Variants in S100A16 observed in about 807,000 individuals in gnomAD.
S100A16 encodes S100 calcium binding protein A16.
In S100A16, 8 loss-of-function variants were observed where a neutral mutation model predicts 9.0. The observed-to-expected ratio is 0.89, with a 90% CI of 0.52 to 1.60. S100A16 has a LOEUF of 1.60. S100A16 is among the 40% of genes most tolerant of loss of function. S100A16 has a pLI of 0.00. For missense variants in S100A16, 138 were observed against 132.4 expected, an observed-to-expected ratio of 1.04 and a Z score of -0.21; for synonymous variants, 51 against 51.4, an observed-to-expected ratio of 0.99 and a Z score of 0.04.
chr1:153,608,264 C>T, intron 1 of S100A16, 87 bp from the exon 2 acceptor site: 1 of 1,111,968 alleles, frequency 9.0e-7, no homozygotes, highest in Non-Finnish European at 1.3e-6. Flanking sequence ...CCCTGGGTCC[C>T]TCCTCCTGCC....
intron 1 of S100A16, among the ~76,000 whole-genome samples, chr1:153,610,894 G>A (rs1666819802): frequency 6.6e-6 from 1 of 151,730 alleles, no homozygotes; most frequent in Admixed American, 6.6e-5. Context: ...GGGTCGGGCA[G>A]ATGTTCTATC....
In S100A16 at chr1:153,607,667, T is replaced by C. The variant is rs1414411570; in HGVS notation, c.179A>G (p.Asp60Gly). The change falls in exon 3 of 3, where the codon GAT becomes GGT. Residue 60 changes from aspartate (D) to glycine (G), a missense_variant. Transcript: ENST00000368706. The stretch of plus-strand genomic sequence containing the variant: ...GGCATCCAGGTTCTGGATGAGCTTA[T>C]CCGCAGCCTTCCGGTTCCCTGTGTC... The part of the protein sequence containing the change: ...LSDTGNRKAA[D>G]KLIQNLDANH... 10 of 1,614,050 alleles carry C rather than the reference T, an allele frequency of 6.2e-6. No individual in the cohort carries two copies. Among genetic ancestry groups the C allele is most frequent in the African/African-American group, 1.3e-5 (1 of 74,928 alleles).
chr1:153,607,956 G>A, intron 2 of S100A16, 43 bp downstream of exon 2: 2 of 1,595,658 alleles, frequency 1.3e-6, no homozygotes, highest in Non-Finnish European at 1.7e-6. Context: ...TGCAGGGGAG[G>A]GAAGGGGAGA....
intron 1 of S100A16, among the ~76,000 whole-genome samples, chr1:153,611,043 A>G (rs949149247): frequency 3.3e-5 from 5 of 151,894 alleles, no homozygotes; most frequent in Admixed American, 6.6e-5. Context: ...GTGTCCTCCA[A>G]TGGGCCCTCT....
intron 1 of S100A16, among the ~76,000 whole-genome samples, chr1:153,611,050 C>G (rs940590873): frequency 6.6e-6 from 1 of 152,004 alleles, no homozygotes; most frequent in Non-Finnish European, 1.5e-5. Context: ...CCAATGGGCC[C>G]TCTCACCTCA....
At chr1:153,607,766 G>C in intron 2 of S100A16, 74 bp from the exon 3 acceptor site, 1 of 1,570,346 alleles carries the variant, frequency 6.4e-7, no homozygotes. Flanking sequence ...CCTAGGCAGA[G>C]ACCCAGGATC....
rs55729519 is a variant in S100A16, at chr1:153,611,917, TCACACACACACA to T, written c.-27+1023_-27+1034del. On this transcript the variant is annotated intron_variant, in intron 1 of 2. Coordinates refer to ENST00000368706, the MANE Select transcript of S100A16 (RefSeq NM_080388.3). Reference sequence around the variant, plus strand: ...GCGTCTAACTCTCTTTGTCTCTCTCTCACACACACACACACACACACACACACACACACACCG... The same window carrying T: ...GCGTCTAACTCTCTTTGTCTCTCTCTCACACACACACACACACACACACCG... Among the ~76,000 whole-genome samples, 59 of 140,904 alleles carry T rather than the reference TCACACACACACA, an allele frequency of 4.2e-4. No individual in the cohort carries two copies. The South Asian group carries it at 0.011, about 27-fold the overall frequency. The allele number at this position is 140,904 out of a possible 152,430, so 92.4% of individuals were successfully genotyped here.
intron 2 of S100A16, 67 bp downstream of exon 2, chr1:153,607,932 A>G (rs530168834): frequency 1.3e-6 from 2 of 1,516,374 alleles, no homozygotes; most frequent in Admixed American, 1.7e-5. Context: ...AGACACCCTC[A>G]GAGGCCAGAG....
chr1:153,609,382 A>G, intron 1 of S100A16: 1 of 985,914 alleles, frequency 1.0e-6, no homozygotes, highest in Non-Finnish European at 1.2e-6. Flanking sequence ...CCAGCCTGCC[A>G]ATCACTCTCG....
chr1:153,609,058 G>T (rs1410788500), intron 1 of S100A16: 9 of 985,606 alleles, frequency 9.1e-6, no homozygotes, highest in African/African-American at 1.7e-5. Flanking sequence ...AGGGGAGCAG[G>T]CGGATCTGGA....
chr1:153,607,886 CG>C, intron 2 of S100A16, 112 bp downstream of exon 2: 1 of 1,243,432 alleles, frequency 8.0e-7, no homozygotes. Flanking sequence ...CTGGAGTTAG[CG>C]GGGACACTGG....
At position 153,607,274 on chromosome 1, in the gene S100A16, A is replaced by G. The variant is rs1666710475; in HGVS notation, c.*260T>C. 1.8e-6 allele frequency: 1 copy of G among 563,244 alleles called. No homozygotes were observed. Among genetic ancestry groups the G allele is most frequent in the Non-Finnish European group, 3.2e-6 (1 of 314,214 alleles). The allele number at this position is 563,244 out of a possible 1,614,324, so 34.9% of individuals were successfully genotyped here. A position where few individuals can be genotyped will look rare whatever the true frequency, so the allele number is the denominator to read the frequency against. On this transcript the variant is annotated 3_prime_UTR_variant, in exon 3 of 3. Coordinates refer to ENST00000368706, the MANE Select transcript of S100A16 (RefSeq NM_080388.3). ...AGACTGAACAGGTGAGAAAACTCTT[A>G]GGGTCCCCAGACAGCATTGAGATCT...
chr1:153,609,591 A>G (rs9660389), intron 1 of S100A16, among the ~76,000 whole-genome samples: 27,429 of 152,156 alleles, frequency 0.18, 5,682 homozygotes, highest in African/African-American at 0.51. Flanking sequence ...CACATGGCCA[A>G]TGTATTTTCT....
chr1:153,609,012 TC>T, intron 1 of S100A16: 1 of 985,664 alleles, frequency 1.0e-6, no homozygotes, highest in South Asian at 4.7e-5. Context: ...AAAGACACTT[TC>T]TAAGCGGATA....
In S100A16 at chr1:153,607,096, TGC is replaced by T; in HGVS notation, c.*436_*437del. The T allele has an allele frequency of 6.9e-6, 2 of 288,312 alleles. No homozygotes were observed. The highest frequency in any genetic ancestry group is 1.4e-5 in the Non-Finnish European group (2 of 139,832). The allele number at this position is 288,312 out of a possible 1,614,324, so 17.9% of individuals were successfully genotyped here. On this transcript the variant is annotated 3_prime_UTR_variant, in exon 3 of 3. Transcript: ENST00000368706. ...GGCTAAGGGAAAGTGGAGAGGTCTC[TGC>T]TGCTGCTGCTGCTGCTGCTGCTGCT... is the stretch of plus-strand genomic sequence containing the variant.
At chr1:153,612,771 C>T (rs947886480) in intron 1 of S100A16, among the ~76,000 whole-genome samples, 181 bp downstream of exon 1, 1 of 152,134 alleles carries the variant, frequency 6.6e-6, no homozygotes, top group African/African-American at 2.4e-5. Flanking sequence ...CCCAACCCCC[C>T]AGGACTCCCC....
At position 153,608,132 on chromosome 1, in the gene S100A16, T is replaced by A. The variant is rs1666740554; in HGVS notation, c.20A>T (p.Glu7Val). 3 of 1,613,888 alleles carry A rather than the reference T, an allele frequency of 1.9e-6. No individual in the cohort carries two copies. The highest frequency in any genetic ancestry group is 2.5e-6 in the Non-Finnish European group (3 of 1,179,940). MSDCYT[E>V]LEKAVIVLVE... The stretch of plus-strand genomic sequence containing the variant: ...CAGGACAATGACTGCCTTCTCCAGC[T>A]CCGTGTAGCAGTCTGACATCTCCCT... Residue 7 changes from glutamate (E) to valine (V), a missense_variant, in exon 2 of 3, where the codon GAG (glutamate) becomes GTG (valine). Coordinates refer to ENST00000368706, the MANE Select transcript of S100A16 (RefSeq NM_080388.3).
chr1:153,612,272 G>C (rs1003334724), intron 1 of S100A16, among the ~76,000 whole-genome samples: 17 of 152,244 alleles, frequency 1.1e-4, no homozygotes, highest in African/African-American at 3.9e-4. Context: ...GCTCAAGCCG[G>C]GGCCTGCCTG....
chr1:153,611,151 A>T (rs1274113900), intron 1 of S100A16, among the ~76,000 whole-genome samples: 1 of 49,534 alleles, frequency 2.0e-5, no homozygotes, highest in Admixed American at 1.9e-4. Flanking sequence ...CACCCCACCC[A>T]CCTCAGCCCA....
Sources: allele counts gnomAD v4.1 joint callset (sites outside exome capture counted in the v4.1 genomes callset), GRCh38; gene constraint gnomAD v4.1.1; transcripts MANE v1.5; gene names NCBI Gene and HGNC (gene_info 2026-07-23, HGNC 2026-07-21).